Variants in DLGAP2 observed in about 807,000 individuals in gnomAD.
The protein encoded by DLGAP2 is DLG associated protein 2, also known as disks large-associated protein 2.
Under a neutral mutation model 100.3 loss-of-function variants are expected in DLGAP2, and 26 were observed. The ratio of observed to expected loss-of-function variants is 0.26; its 90% CI spans 0.19 to 0.36. The LOEUF is 0.36. DLGAP2 is among the 10% of genes least tolerant of loss of function. DLGAP2 has a pLI of 1.00. For missense variants in DLGAP2, 1,858 were observed against 1,453.2 expected (o/e 1.28, Z -4.53); for synonymous variants, 886 against 630.1 (o/e 1.41, Z -6.08).
intron 1 of DLGAP2, among the ~76,000 whole-genome samples, chr8:800,137 G>A (rs1427959067): frequency 6.6e-6 from 1 of 152,154 alleles, no homozygotes; most frequent in Non-Finnish European, 1.5e-5. Flanking sequence ...TATGCCACAT[G>A]CCAAGTGGAG....
intron 4 of DLGAP2, among the ~76,000 whole-genome samples, chr8:1,546,589 G>A (rs1801544745): frequency 6.6e-6 from 1 of 152,182 alleles, no homozygotes; most frequent in South Asian, 2.1e-4. Flanking sequence ...TTTTGTTGTT[G>A]TTGTTTGTTT....
intron 3 of DLGAP2, among the ~76,000 whole-genome samples, chr8:1,416,755 G>A (rs981267033): frequency 6.6e-6 from 1 of 152,190 alleles, no homozygotes; most frequent in South Asian, 2.1e-4. Flanking sequence ...GGACGTGTTG[G>A]CTGCTTAAGA....
intron 2 of DLGAP2, chr8:927,082 G>T: frequency 1.0e-6 from 1 of 985,444 alleles, no homozygotes; most frequent in Non-Finnish European, 1.2e-6. Flanking sequence ...CTCGTGGGAG[G>T]GCCCCAGTGG....
intron 1 of DLGAP2, among the ~76,000 whole-genome samples, chr8:874,035 T>C (rs1039712799): frequency 3.9e-5 from 6 of 152,136 alleles, no homozygotes; most frequent in African/African-American, 1.4e-4. Flanking sequence ...ATCCTTGTTA[T>C]TTATGTAAGG....
Position 1,691,763 on chromosome 8 carries a change from G to C in DLGAP2, c.2796+137G>C. 6 of 773,722 alleles carry C rather than the reference G, an allele frequency of 7.8e-6. No homozygotes were observed. In the South Asian group the frequency reaches 1.1e-4, roughly 14 times the overall value. The allele number at this position is 773,722 out of a possible 1,614,324, so 47.9% of individuals were successfully genotyped here. On this transcript the variant is annotated intron_variant, in intron 13 of 14. Coordinates refer to ENST00000637795, the MANE Select transcript of DLGAP2 (RefSeq NM_001346810.2). ...TATCACGTGCACTTACTACAGAAGA[G>C]GCTTCCCGCCCTGGGGAAAGAGACG...
chr8:1,488,256 TC>T (rs1377241635), intron 3 of DLGAP2, among the ~76,000 whole-genome samples: 6 of 152,090 alleles, frequency 3.9e-5, no homozygotes, highest in Admixed American at 1.3e-4. Flanking sequence ...AGGCCTCATC[TC>T]CCAAACACAG....
intron 2 of DLGAP2, among the ~76,000 whole-genome samples, chr8:1,224,419 T>G (rs1798375130): frequency 6.6e-6 from 1 of 152,230 alleles, no homozygotes; most frequent in Admixed American, 6.5e-5. Flanking sequence ...ATTGAATTAA[T>G]ACATATTTAT....
chr8:1,151,776 G>C (rs1459978649), intron 2 of DLGAP2, among the ~76,000 whole-genome samples: 1 of 152,116 alleles, frequency 6.6e-6, no homozygotes, highest in Non-Finnish European at 1.5e-5. Flanking sequence ...AGGTTGTTCT[G>C]TTTACACGAA....
chr8:1,002,478 C>T (rs896991961), intron 2 of DLGAP2: 1 of 152,232 alleles, frequency 6.6e-6, no homozygotes, highest in African/African-American at 2.4e-5. Flanking sequence ...TATTATTCTG[C>T]AGTAACTTGT....
At chr8:876,433 T>C (rs1797688247) in intron 1 of DLGAP2, among the ~76,000 whole-genome samples, 1 of 152,234 alleles carries the variant, frequency 6.6e-6, no homozygotes, top group African/African-American at 2.4e-5. Flanking sequence ...TGTTTTTCTT[T>C]TGAATACTTT....
Position 1,054,404 on chromosome 8 carries a change from T to C in DLGAP2, c.73+146438T>C, listed in dbSNP as rs374534852. 7.2e-5 allele frequency among the ~76,000 whole-genome samples: 11 copies of C among 152,310 alleles called. No individual in the cohort carries two copies. In the East Asian group the frequency reaches 1.2e-3, roughly 16 times the overall value. ...AAATGGCTTGGACTTTACTCTTGGC[T>C]CCAAGCATCTTAGATTTGTGGTCAC... On this transcript the variant is annotated intron_variant, in intron 2 of 14. Transcript: ENST00000637795.
At chr8:967,538 C>A (rs937942779) in intron 2 of DLGAP2, among the ~76,000 whole-genome samples, 5 of 151,500 alleles carry the variant, frequency 3.3e-5, no homozygotes, top group African/African-American at 9.7e-5. Flanking sequence ...GGATGTGAAA[C>A]CTAGAATTCA....
At chr8:1,049,135 A>C (rs1052643783) in intron 2 of DLGAP2, among the ~76,000 whole-genome samples, 41 of 152,156 alleles carry the variant, frequency 2.7e-4, no homozygotes, top group African/African-American at 9.6e-4. Flanking sequence ...CACTGTCAAT[A>C]ATGTTTAGAC....
chr8:1,289,947 C>A (rs182140690), intron 3 of DLGAP2, among the ~76,000 whole-genome samples: 3 of 152,292 alleles, frequency 2.0e-5, no homozygotes, highest in African/African-American at 7.2e-5. Context: ...CAAGACAGAT[C>A]AAATGGTAGG....
At chr8:1,391,187 C>T (rs772712975) in intron 3 of DLGAP2, among the ~76,000 whole-genome samples, 5 of 152,206 alleles carry the variant, frequency 3.3e-5, no homozygotes, top group African/African-American at 4.8e-5. Context: ...AAGATTAACT[C>T]AGAAGTTCCC....
At chr8:925,978 C>G (rs1021049644) in intron 2 of DLGAP2, among the ~76,000 whole-genome samples, 1 of 152,198 alleles carries the variant, frequency 6.6e-6, no homozygotes, top group African/African-American at 2.4e-5. Flanking sequence ...ATGAACACAT[C>G]ACACTGCCAT....
intron 6 of DLGAP2, among the ~76,000 whole-genome samples, chr8:1,573,563 A>G (rs1223326371): frequency 1.3e-5 from 2 of 152,086 alleles, no homozygotes; most frequent in Non-Finnish European, 2.9e-5. Flanking sequence ...ATTCTTGCTT[A>G]AGTTATATTT....
rs1161085841 is a variant in DLGAP2 at position 1,549,274 on chromosome 8, A to C, written c.821A>C (p.His274Pro). 1 of 1,611,838 alleles carries C rather than the reference A, an allele frequency of 6.2e-7. No homozygotes were observed. The highest frequency in any genetic ancestry group is 1.7e-5 in the Admixed American group (1 of 59,916). The part of the protein sequence containing the change: ...DDHHHAHHAK[H>P]SKRSKSKERK... ...CACCACCACGCCCACCACGCCAAGC[A>C]CAGCAAGAGGAGCAAGAGCAAGGAG... Residue 274 changes from histidine to proline, a missense_variant, in exon 5 of 15, where the codon CAC (histidine) becomes CCC (proline). Physicochemically the swap from His to Pro is moderately conservative, Grantham distance 77. Coordinates refer to ENST00000637795, the MANE Select transcript of DLGAP2 (RefSeq NM_001346810.2).
chr8:1,327,000 T>G (rs1801037469), intron 3 of DLGAP2, among the ~76,000 whole-genome samples: 1 of 152,172 alleles, frequency 6.6e-6, no homozygotes, highest in Non-Finnish European at 1.5e-5. Context: ...GCTATGAGGG[T>G]GAACTAAGGC....
Sources: gnomAD v4.1 joint callset for allele counts (sites outside exome capture counted in the v4.1 genomes callset) on GRCh38, gnomAD v4.1.1 for gene constraint, MANE v1.5 for transcripts, NCBI Gene and HGNC (gene_info 2026-07-23, HGNC 2026-07-21) for gene names.